Variants in FAIM observed in about 807,000 individuals in gnomAD.
FAIM encodes the protein fas apoptotic inhibitory molecule 1.
FAIM carries 14 observed loss-of-function variants against 21.2 expected under a neutral mutation model. That is an observed-to-expected ratio of 0.66 (90% CI 0.44 to 1.03). FAIM has a LOEUF of 1.03. Ranked by LOEUF, FAIM falls within the 50% of genes least tolerant of loss-of-function variation. The pLI is 0.00. For synonymous variants in FAIM, 86 were observed against 80.4 expected, an observed-to-expected ratio of 1.07 and a Z score of -0.37; for missense variants, 222 against 247.1, an observed-to-expected ratio of 0.90 and a Z score of 0.68.
At chr3:138,615,277 G>A (rs1293103830) in intron 1 of FAIM, among the ~76,000 whole-genome samples, 1 of 152,138 alleles carries the variant, frequency 6.6e-6, no homozygotes, top group East Asian at 1.9e-4. Context: ...TCTTAAAGTC[G>A]GAAAATCATT....
intron 2 of FAIM, 187 bp from the exon 3 acceptor site, chr3:138,621,220 C>T (rs1577012058): frequency 3.3e-6 from 2 of 606,532 alleles, no homozygotes; most frequent in East Asian, 5.8e-5. Context: ...GTAGTTGTAT[C>T]TTAAAGGAAG....
Position 138,622,254 on chromosome 3 carries a change from A to T in FAIM, c.244A>T (p.Lys82Ter), listed in dbSNP as rs1428158337. 1 of 1,613,896 alleles carries T rather than the reference A, an allele frequency of 6.2e-7. No homozygotes were observed. The highest frequency in any genetic ancestry group is 1.1e-5 in the South Asian group (1 of 90,988). Residue 82 changes from lysine (K) to a stop codon, truncating the protein, a stop_gained, in exon 4 of 6, where the codon AAG becomes TAG. Coordinates refer to ENST00000360570, the MANE Select transcript of FAIM (RefSeq NM_001033031.2). LOFTEE classifies it high-confidence loss of function. The stretch of plus-strand genomic sequence containing the variant: ...AGAAACATTCTATGTTGGAGCTGCA[A>T]AGACAAAAGCGACCATAAATATAGA... ...GKETFYVGAA[K>*]TKATINIDAI...
chr3:138,623,150 A>G (rs1339426186), intron 4 of FAIM, among the ~76,000 whole-genome samples: 2 of 152,210 alleles, frequency 1.3e-5, no homozygotes, highest in South Asian at 2.1e-4. Flanking sequence ...TAAGAAAGCA[A>G]TATTTTCCTA....
chr3:138,625,233 C>T (rs2042927043), intron 4 of FAIM, among the ~76,000 whole-genome samples: 1 of 152,118 alleles, frequency 6.6e-6, no homozygotes, highest in Non-Finnish European at 1.5e-5. Flanking sequence ...GAGGCCAAGG[C>T]AGGTGGATCA....
intron 2 of FAIM, among the ~76,000 whole-genome samples, chr3:138,620,752 G>A (rs2042876034): frequency 6.6e-6 from 1 of 152,158 alleles, no homozygotes; most frequent in Admixed American, 6.5e-5. Context: ...GTCTCCCAAA[G>A]TGCTAGGATT....
intron 1 of FAIM, chr3:138,611,009 T>C (rs1350264475): frequency 1.9e-6 from 3 of 1,613,910 alleles, no homozygotes; most frequent in Admixed American, 1.7e-5. Context: ...TAATCATCTC[T>C]TGGTATCTCC....
chr3:138,623,642 T>C (rs2042910654), intron 4 of FAIM, among the ~76,000 whole-genome samples: 1 of 152,228 alleles, frequency 6.6e-6, no homozygotes, highest in African/African-American at 2.4e-5. Context: ...GTGCTGGGAT[T>C]ACAGGTGTGA....
intron 4 of FAIM, among the ~76,000 whole-genome samples, chr3:138,623,325 C>G (rs1321269809): frequency 6.6e-6 from 1 of 152,080 alleles, no homozygotes; most frequent in African/African-American, 2.4e-5. Flanking sequence ...TGTCTTTTAG[C>G]AGTTTTACTC....
At chr3:138,629,053 C>A in intron 4 of FAIM, 54 bp from the exon 5 acceptor site, 1 of 1,378,944 alleles carries the variant, frequency 7.3e-7, no homozygotes, top group Non-Finnish European at 1.0e-6. Flanking sequence ...GAAAAGTTAA[C>A]TTTATCTTTA....
chr3:138,627,956 A>G (rs113679656), intron 4 of FAIM, among the ~76,000 whole-genome samples: 1 of 152,148 alleles, frequency 6.6e-6, no homozygotes, highest in African/African-American at 2.4e-5. Context: ...CCTTGTGCAC[A>G]TACAGGCCAT....
chr3:138,618,193 ATACCCTCTGGTT>A (rs1414208428), intron 1 of FAIM, among the ~76,000 whole-genome samples: 5 of 151,832 alleles, frequency 3.3e-5, no homozygotes, highest in Non-Finnish European at 7.4e-5. Context: ...TTGTTGTAGG[ATACCCTCTGGTT>A]TCATAGGGGA....
intron 3 of FAIM, among the ~76,000 whole-genome samples, chr3:138,621,922 A>G (rs2042890450): frequency 6.6e-6 from 1 of 152,120 alleles, no homozygotes; most frequent in Non-Finnish European, 1.5e-5. Flanking sequence ...AGCTGGGATT[A>G]CAGGCACCTG....
intron 2 of FAIM, among the ~76,000 whole-genome samples, chr3:138,620,074 G>A (rs66470363): frequency 0.026 from 3,922 of 152,284 alleles, 76 homozygotes; most frequent in Non-Finnish European, 0.042. Flanking sequence ...AGTTTAGAGC[G>A]TACAGAGGAG....
At chr3:138,617,651 A>G (rs1017575290) in intron 1 of FAIM, among the ~76,000 whole-genome samples, 1 of 137,958 alleles carries the variant, frequency 7.2e-6, no homozygotes, top group African/African-American at 2.8e-5. Context: ...ATATCTATAT[A>G]TATAATATAT....
At chr3:138,622,509 G>A in intron 4 of FAIM, 93 bp downstream of exon 4, 2 of 859,942 alleles carry the variant, frequency 2.3e-6, no homozygotes, top group South Asian at 1.9e-5. Flanking sequence ...ATGGAGGTTT[G>A]AAAAGAAGAG....
intron 1 of FAIM, among the ~76,000 whole-genome samples, chr3:138,614,321 T>C (rs911907786): frequency 2.6e-5 from 4 of 152,128 alleles, no homozygotes; most frequent in African/African-American, 9.7e-5. Context: ...ATGCCTATGG[T>C]CCCAGCTACT....
intron 2 of FAIM, among the ~76,000 whole-genome samples, chr3:138,620,846 C>T (rs375980290): frequency 2.0e-5 from 3 of 152,192 alleles, no homozygotes; most frequent in African/African-American, 4.8e-5. Context: ...GAATATTTTT[C>T]ATAACATTTA....
intron 5 of FAIM, chr3:138,630,718 TC>T (rs1054267098): frequency 2.0e-5 from 3 of 152,350 alleles, no homozygotes; most frequent in African/African-American, 7.2e-5. Context: ...TGGTGGTTCT[TC>T]CTGTTCTTTT....
intron 2 of FAIM, 82 bp from the exon 3 acceptor site, chr3:138,621,325 T>C (rs1399460921): frequency 7.0e-7 from 1 of 1,420,006 alleles, no homozygotes; most frequent in East Asian, 2.3e-5. Context: ...GGTTTTAATC[T>C]AATATTTTCA....
Sources: allele counts gnomAD v4.1 joint callset (sites outside exome capture counted in the v4.1 genomes callset), GRCh38; gene constraint gnomAD v4.1.1; transcripts MANE v1.5; gene names NCBI Gene and HGNC (gene_info 2026-07-23, HGNC 2026-07-21).